Variants in SRRM4 observed in about 807,000 individuals in gnomAD.
The protein encoded by SRRM4 is serine/arginine repetitive matrix protein 4.
SRRM4 carries 33 observed loss-of-function variants against 68.9 expected under a neutral mutation model. That is an observed-to-expected ratio of 0.48 (90% CI 0.36 to 0.64). The LOEUF is 0.64. SRRM4 is among the 30% of genes least tolerant of loss of function. The pLI, the probability that SRRM4 is intolerant of heterozygous loss-of-function variation, is 0.00. For synonymous variants in SRRM4, 318 were observed against 318.8 expected (o/e 1.00, Z 0.03); for missense variants, 817 against 827.1 (o/e 0.99, Z 0.15).
At chr12:119,043,781 C>CACACACACACAT (rs1953686180) in intron 1 of SRRM4, among the ~76,000 whole-genome samples, 1 of 151,166 alleles carries the variant, frequency 6.6e-6, no homozygotes, top group African/African-American at 2.4e-5. Context: ...CGCATACACA[C>CACACACACACAT]ACACACACAC....
Position 119,161,906 on chromosome 12 carries a change from T to C in SRRM4, c.*5108T>C, listed in dbSNP as rs945759456. 6.6e-6 allele frequency: 1 copy of C among 151,856 alleles called. No homozygotes were observed. Among genetic ancestry groups the C allele is most frequent in the Non-Finnish European group, 1.5e-5 (1 of 67,944 alleles). 9.4% of individuals were successfully genotyped at this position (151,856 alleles called of 1,614,324 possible). On this transcript the variant is annotated 3_prime_UTR_variant, in exon 13 of 13. Transcript: ENST00000267260. ...CCTTGAAAAAAAAAATAAAGAAAAATTGTAAACTCTTTTTTTTTTCTGGCC... is the reference window on the plus strand; with the variant it reads ...CCTTGAAAAAAAAAATAAAGAAAAACTGTAAACTCTTTTTTTTTTCTGGCC...
In SRRM4 at chr12:118,981,747, ACTCCGATCTCTCCCACCC is replaced by A; in HGVS notation, c.-134_-117del. 2.0e-6 allele frequency: 2 copies of A among 978,042 alleles called. No individual in the cohort carries two copies. Among genetic ancestry groups the A allele is most frequent in the Admixed American group, 3.1e-5 (1 of 31,904 alleles). 60.6% of individuals were successfully genotyped at this position (978,042 alleles called of 1,614,324 possible). Reference sequence around the variant, plus strand: ...TGGGGCGTCCCATCCCCCGCCCTGAACTCCGATCTCTCCCACCCCACCCCTCTCTGGGTTTCACCCGGA... The same window carrying A: ...TGGGGCGTCCCATCCCCCGCCCTGAACACCCCTCTCTGGGTTTCACCCGGA... On this transcript the variant is annotated 5_prime_UTR_variant, in exon 1 of 13. Coordinates refer to ENST00000267260, the MANE Select transcript of SRRM4 (RefSeq NM_194286.4).
rs555479589 is a variant in SRRM4 at position 119,154,298 on chromosome 12, G to C, written c.1447G>C (p.Ala483Pro). The C allele has an allele frequency of 2.5e-6, 4 of 1,611,680 alleles. No individual in the cohort carries two copies. The highest frequency in any genetic ancestry group is 3.4e-6 in the Non-Finnish European group (4 of 1,179,114). Residue 483 changes from alanine to proline, a missense_variant, in exon 12 of 13, where the codon GCG becomes CCG. Transcript: ENST00000267260. This position sits in a 1 kb window ranked among gnomAD's most constrained non-coding sequence, Gnocchi z 4.7. ...KDSQQRERER[A>P]RRRRRSYSPM... ...CTCGCAGCAGCGGGAGCGCGAGCGA[G>C]CGCGTCGGAGACGTCGGTCCTACTC...
chr12:119,061,552 C>G (rs780159680), intron 1 of SRRM4, among the ~76,000 whole-genome samples: 9 of 152,112 alleles, frequency 5.9e-5, no homozygotes, highest in Non-Finnish European at 1.0e-4. Flanking sequence ...GGAATGCGTG[C>G]TATTGAAAAG....
At chr12:119,076,987 G>A (rs1451731104) in intron 1 of SRRM4, among the ~76,000 whole-genome samples, 12 of 152,132 alleles carry the variant, frequency 7.9e-5, no homozygotes, top group Admixed American at 6.5e-5. Flanking sequence ...ACTGACTTGC[G>A]TAAACACATC....
At chr12:119,115,900 C>G (rs903041255) in intron 3 of SRRM4, among the ~76,000 whole-genome samples, 13 of 152,094 alleles carry the variant, frequency 8.5e-5, no homozygotes, top group African/African-American at 3.1e-4. Context: ...TGGTGGTCAA[C>G]ATTTCCAAAT....
At chr12:119,020,812 G>T (rs1953511462) in intron 1 of SRRM4, among the ~76,000 whole-genome samples, 1 of 152,236 alleles carries the variant, frequency 6.6e-6, no homozygotes, top group African/African-American at 2.4e-5. Context: ...AAATAAAGAG[G>T]ATTTTATTTG....
chr12:119,035,612 C>G (rs1005243489), intron 1 of SRRM4, among the ~76,000 whole-genome samples: 1 of 152,062 alleles, frequency 6.6e-6, no homozygotes. Context: ...GATCCTTTAT[C>G]ATTTTCAATC....
chr12:119,114,660 C>CTTTTTTTTTTTTTT (rs68020424), intron 3 of SRRM4, among the ~76,000 whole-genome samples: 1 of 101,388 alleles, frequency 9.9e-6, no homozygotes, highest in Non-Finnish European at 2.0e-5. Context: ...GAAGCATAGT[C>CTTTTTTTTTTTTTT]TTTTTTTTTT....
chr12:119,051,958 G>T (rs1273721259), intron 1 of SRRM4, among the ~76,000 whole-genome samples: 1 of 152,248 alleles, frequency 6.6e-6, no homozygotes, highest in Non-Finnish European at 1.5e-5. Context: ...GGTATTTGGT[G>T]AGAAACATTT....
At chr12:119,002,224 A>C (rs1392128742) in intron 1 of SRRM4, among the ~76,000 whole-genome samples, 2 of 143,892 alleles carry the variant, frequency 1.4e-5, no homozygotes, top group Admixed American at 6.9e-5. Flanking sequence ...GAAAAGAAGC[A>C]AAAAAAAAAA....
At chr12:119,097,918 T>C (rs11611822) in intron 1 of SRRM4, among the ~76,000 whole-genome samples, 12,027 of 152,308 alleles carry the variant, frequency 0.079, 530 homozygotes, top group African/African-American at 0.1. Flanking sequence ...TTCCTCACAG[T>C]TCTCAGCTTT....
At chr12:119,090,420 C>T (rs1481248037) in intron 1 of SRRM4, among the ~76,000 whole-genome samples, 1 of 152,138 alleles carries the variant, frequency 6.6e-6, no homozygotes, top group African/African-American at 2.4e-5. Flanking sequence ...GGACTCAAGC[C>T]TCAGCCTGAT....
chr12:119,100,327 CAA>C (rs34887621), intron 1 of SRRM4, among the ~76,000 whole-genome samples: 2 of 105,428 alleles, frequency 1.9e-5, no homozygotes, highest in Non-Finnish European at 1.9e-5. Flanking sequence ...CCTGTCTCTA[CAA>C]AAAAAAAAAA....
intron 7 of SRRM4, among the ~76,000 whole-genome samples, chr12:119,126,564 A>G (rs1954262465): frequency 6.6e-6 from 1 of 152,166 alleles, no homozygotes; most frequent in Non-Finnish European, 1.5e-5. Context: ...CAAACAGTGC[A>G]AAGTAGAAAG....
chr12:119,119,838 C>G lies in SRRM4; in HGVS notation c.438-412C>G, dbSNP rs1192395780. Among the ~76,000 whole-genome samples, 3 of 152,162 alleles carry G rather than the reference C, an allele frequency of 2.0e-5. No homozygotes were observed. The East Asian group carries it at 5.8e-4, about 30-fold the overall frequency. On this transcript the variant is annotated intron_variant, in intron 4 of 12. Coordinates refer to ENST00000267260, the MANE Select transcript of SRRM4 (RefSeq NM_194286.4). ...TGGAGGAGGGGAAAGGCAGAAGACT[C>G]TCTCTACGTTCTCCTTATCCAGCCT...
intron 1 of SRRM4, among the ~76,000 whole-genome samples, chr12:118,990,378 A>C (rs1953308920): frequency 6.6e-6 from 1 of 152,170 alleles, no homozygotes; most frequent in African/African-American, 2.4e-5. Context: ...ACACACGTAG[A>C]TGTGAATTGC....
chr12:119,110,316 A>G (rs1049341043), intron 2 of SRRM4, among the ~76,000 whole-genome samples: 1 of 152,148 alleles, frequency 6.6e-6, no homozygotes. Flanking sequence ...GCAGATCTCA[A>G]ACTCTGTGCT....
At chr12:119,114,432 C>A in intron 3 of SRRM4, 68 bp downstream of exon 3, 1 of 1,283,398 alleles carries the variant, frequency 7.8e-7, no homozygotes, top group Non-Finnish European at 1.1e-6. Context: ...GTTTCAAAGT[C>A]AGACAGTGGC....
Sources: allele counts gnomAD v4.1 joint callset (sites outside exome capture counted in the v4.1 genomes callset), GRCh38; gene constraint gnomAD v4.1.1; non-coding constraint Gnocchi (gnomAD v3.1); transcripts MANE v1.5; gene names NCBI Gene and HGNC (gene_info 2026-07-23, HGNC 2026-07-21).